The following LPO variants were observed in gnomAD, a reference collection of about 807,000 sequenced individuals.
LPO encodes salivary peroxidase.
A neutral mutation model predicts 68.4 loss-of-function variants in LPO; 70 were observed. That is an observed-to-expected ratio of 1.02 (90% CI 0.84 to 1.25). The LOEUF (loss-of-function observed/expected upper bound fraction) is 1.25, where lower values mean the gene tolerates loss of function less well. LPO is among the 50% of genes most tolerant of loss of function. LPO has a pLI of 0.00. For synonymous variants in LPO, 360 were observed against 357.6 expected, an observed-to-expected ratio of 1.01 and a Z score of -0.08; for missense variants, 873 against 908.4, an observed-to-expected ratio of 0.96 and a Z score of 0.50.
intron 5 of LPO, 121 bp from the exon 6 acceptor site, chr17:58,249,445 A>G: frequency 7.1e-7 from 1 of 1,407,262 alleles, no homozygotes; most frequent in Non-Finnish European, 9.4e-7. Flanking sequence ...CCCAAATTTG[A>G]GAGGCCCCCT....
chr17:58,242,902 C>T, intron 1 of LPO, 76 bp from the exon 2 acceptor site: 2 of 1,279,640 alleles, frequency 1.6e-6, no homozygotes, highest in Non-Finnish European at 2.3e-6. Context: ...CTTTGGCTTT[C>T]TCTGCTTTCT....
At chr17:58,254,152 T>TATAGATAAATAGATAG (rs1555605278) in intron 8 of LPO, among the ~76,000 whole-genome samples, 4 of 133,322 alleles carry the variant, frequency 3.0e-5, no homozygotes, top group African/African-American at 1.2e-4. Flanking sequence ...TATATAGATA[T>TATAGATAAATAGATAG]ATAGATAGAT....
At chr17:58,242,921 A>G (rs1969782618) in intron 1 of LPO, 57 bp from the exon 2 acceptor site, 4 of 1,494,340 alleles carry the variant, frequency 2.7e-6, no homozygotes, top group Non-Finnish European at 3.7e-6. Context: ...CTGTGGTTCA[A>G]ACCCTCCCAC....
intron 7 of LPO, 82 bp from the exon 8 acceptor site, chr17:58,252,100 A>C: frequency 1.5e-6 from 2 of 1,330,542 alleles, no homozygotes; most frequent in Non-Finnish European, 2.1e-6. Context: ...GCATCTTTGC[A>C]TCCAGACTTG....
At chr17:58,258,497 C>T (rs1598029954) in intron 9 of LPO, among the ~76,000 whole-genome samples, 1 of 152,232 alleles carries the variant, frequency 6.6e-6, no homozygotes, top group East Asian at 1.9e-4. Flanking sequence ...TTACATTGGT[C>T]TTTGTGTCTG....
chr17:58,261,543 TA>T lies in LPO; in HGVS notation c.1267-3168del, dbSNP rs796408395. 1.7e-3 allele frequency among the ~76,000 whole-genome samples: 253 copies of T among 145,114 alleles called. 1 individual carries two copies. Among genetic ancestry groups the T allele is most frequent in the African/African-American group, 2.5e-3 (100 of 39,954 alleles). On this transcript the variant is annotated intron_variant, in intron 9 of 12. Transcript: ENST00000262290. ...TTAGACATCATATAGTTGGGTCACT[TA>T]AAAAAAAAAAGGAAAAGAAATATAC...
rs1026090113 is a variant in LPO at position 58,247,383 on chromosome 17, G to A, written c.165-95G>A. ...GACAGTGCAGCAGCTGGGTTATGAG[G>A]CCATGTTGTACACACACCCCTCCCA... On this transcript the variant is annotated intron_variant, in intron 3 of 12. Coordinates refer to ENST00000262290, the MANE Select transcript of LPO (RefSeq NM_006151.3). 10 of 1,138,824 alleles carry A rather than the reference G, an allele frequency of 8.8e-6. No individual in the cohort carries two copies. In the African/African-American group the frequency reaches 1.1e-4, roughly 12 times the overall value. 70.5% of individuals were successfully genotyped at this position (1,138,824 alleles called of 1,614,324 possible).
At position 58,252,457 on chromosome 17, in the gene LPO, C is replaced by A. The variant is rs1160930031; in HGVS notation, c.1056C>A (p.Ser352Arg). The A allele has an allele frequency of 6.2e-7, 1 of 1,614,056 alleles. No homozygotes were observed. Among genetic ancestry groups the A allele is most frequent in the Non-Finnish European group, 8.5e-7 (1 of 1,180,034 alleles). ...TGCCCTATGACAGCAAGAAGCCAAG[C>A]CCCTGTGAGTTCATCAACACCACTG... Reference protein sequence around the residue: ...PYLPYDSKKPSPCEFINTTAR... With the variant: ...PYLPYDSKKPRPCEFINTTAR... The change falls in exon 8 of 13, where the codon AGC becomes AGA. Residue 352 changes from serine to arginine, a missense_variant. Coordinates refer to ENST00000262290, the MANE Select transcript of LPO (RefSeq NM_006151.3).
At chr17:58,267,741 G>A in intron 12 of LPO, 46 bp from the exon 13 acceptor site, 1 of 1,568,138 alleles carries the variant, frequency 6.4e-7, no homozygotes, top group Non-Finnish European at 8.8e-7. Flanking sequence ...GAGTGGGGAG[G>A]GGCCAGCGGC....
In LPO at chr17:58,264,895, G is replaced by C; in HGVS notation, c.1440G>C (p.Glu480Asp). Residue 480 changes from glutamate to aspartate, a missense_variant, in exon 10 of 13, where the codon GAG (glutamate) becomes GAC (aspartate). Glu to Asp is a conservative substitution (Grantham distance 45). Coordinates refer to ENST00000262290, the MANE Select transcript of LPO (RefSeq NM_006151.3). ...EVPSSMFRLD[E>D]NYQPWGPEPE... ...CCTCTAGTATGTTCCGCCTGGATGA[G>C]AATTATCAGCCATGGGGGCCAGAAC... The C allele has an allele frequency of 6.2e-7, 1 of 1,614,196 alleles. No homozygotes were observed. The highest frequency in any genetic ancestry group is 1.1e-5 in the South Asian group (1 of 91,080).
At chr17:58,241,284 T>G (rs1397003984) in intron 1 of LPO, among the ~76,000 whole-genome samples, 1 of 151,996 alleles carries the variant, frequency 6.6e-6, no homozygotes, top group Non-Finnish European at 1.5e-5. Flanking sequence ...CTAATTCTTG[T>G]ATTTCTAGTA....
At chr17:58,249,039 T>C (rs1969904737) in intron 4 of LPO, 21 bp from the exon 5 acceptor site, 1 of 1,589,272 alleles carries the variant, frequency 6.3e-7, no homozygotes, top group Non-Finnish European at 8.6e-7. Context: ...CTCAGTCCCT[T>C]TGGGGTCCCT....
rs1251845722 is a variant in LPO at position 58,252,409 on chromosome 17, C to A, written c.1008C>A (p.Val336=). The A allele has an allele frequency of 6.2e-7, 1 of 1,614,030 alleles. No individual in the cohort carries two copies. Among genetic ancestry groups the A allele is most frequent in the African/African-American group, 1.3e-5 (1 of 74,912 alleles). ...GCCTCATGGCTGTCAACCAGGAGGT[C>A]TCAGACCATGGACTACCCTACCTGC... ...PLGLMAVNQE[V]SDHGLPYLPY... Residue 336 remains valine (V), a synonymous_variant, in exon 8 of 13, where the codon GTC becomes GTA. Coordinates refer to ENST00000262290, the MANE Select transcript of LPO (RefSeq NM_006151.3).
In LPO at chr17:58,252,452, C is replaced by T. The variant is rs751513712; in HGVS notation, c.1051C>T (p.Pro351Ser). The change falls in exon 8 of 13, where the codon CCA becomes TCA. Residue 351 changes from proline (P) to serine (S), a missense_variant. Pro to Ser is a moderately conservative substitution (Grantham distance 74). Transcript: ENST00000262290. ...LPYLPYDSKKPSPCEFINTTA... is the reference protein window; with the variant it reads ...LPYLPYDSKKSSPCEFINTTA... ...CTACCTGCCCTATGACAGCAAGAAG[C>T]CAAGCCCCTGTGAGTTCATCAACAC... 8.7e-6 allele frequency: 14 copies of T among 1,614,062 alleles called. 1 individual carries two copies. The highest frequency in any genetic ancestry group is 3.3e-5 in the Admixed American group (2 of 60,034).
intron 9 of LPO, among the ~76,000 whole-genome samples, chr17:58,264,359 T>C (rs1181340868): frequency 6.6e-6 from 1 of 152,150 alleles, no homozygotes; most frequent in Non-Finnish European, 1.5e-5. Context: ...CTGTGGTTTA[T>C]CATTCCTCTT....
chr17:58,252,126 G>T, intron 7 of LPO, 56 bp from the exon 8 acceptor site: 2 of 1,543,966 alleles, frequency 1.3e-6, no homozygotes, highest in Non-Finnish European at 1.8e-6. Flanking sequence ...GGGAGAGGTT[G>T]CCAGGACCCA....
chr17:58,246,651 C>T (rs370611222), intron 3 of LPO, among the ~76,000 whole-genome samples: 19 of 152,258 alleles, frequency 1.2e-4, no homozygotes, highest in African/African-American at 4.3e-4. Flanking sequence ...AGGCCCAGCG[C>T]GGCCTGCCTG....
intron 9 of LPO, among the ~76,000 whole-genome samples, chr17:58,259,403 T>A (rs1455405668): frequency 1.3e-5 from 2 of 152,232 alleles, no homozygotes; most frequent in African/African-American, 4.8e-5. Context: ...TTTGGGCATA[T>A]TTACATGGAT....
intron 9 of LPO, 41 bp from the exon 10 acceptor site, chr17:58,264,681 C>A (rs1194728830): frequency 6.2e-7 from 1 of 1,608,970 alleles, no homozygotes; most frequent in Non-Finnish European, 8.5e-7. Context: ...GAGGTTTAAA[C>A]CTTCTTACAC....
Sources: gnomAD v4.1 joint callset for allele counts (sites outside exome capture counted in the v4.1 genomes callset) on GRCh38, gnomAD v4.1.1 for gene constraint, MANE v1.5 for transcripts, NCBI Gene and HGNC (gene_info 2026-07-23, HGNC 2026-07-21) for gene names.